Variants in ZNF329 observed in about 807,000 individuals in gnomAD.
The protein encoded by ZNF329 is zinc finger protein 329.
Under a neutral mutation model 26.6 loss-of-function variants are expected in ZNF329, and 15 were observed. The observed-to-expected ratio is 0.56, with a 90% CI of 0.38 to 0.87. The LOEUF (loss-of-function observed/expected upper bound fraction) is 0.87, where lower values mean the gene tolerates loss of function less well. Ranked by LOEUF, ZNF329 falls within the 40% of genes least tolerant of loss-of-function variation. The probability of loss-of-function intolerance (pLI) is 0.00; values close to 1 mark genes in which losing one functional copy is unlikely to be tolerated. For synonymous variants in ZNF329, 239 were observed against 233.5 expected, an observed-to-expected ratio of 1.02 and a Z score of -0.21; for missense variants, 651 against 651.9, an observed-to-expected ratio of 1.00 and a Z score of 0.02.
chr19:58,154,883 G>C (rs917358976), upstream of ZNF329: 3 of 152,472 alleles, frequency 2.0e-5, no homozygotes, highest in African/African-American at 7.2e-5. Flanking sequence ...CCTCCCAGCC[G>C]CAGACGCGGA....
chr19:58,128,144 G>A lies in ZNF329; in HGVS notation c.1360C>T (p.Pro454Ser). 6.3e-7 allele frequency: 1 copy of A among 1,589,010 alleles called. No homozygotes were observed. Among genetic ancestry groups the A allele is most frequent in the Non-Finnish European group, 8.6e-7 (1 of 1,168,602 alleles). Residue 454 changes from proline to serine, a missense_variant, in exon 4 of 4, where the codon CCC becomes TCC. By Grantham distance (74) the Pro-to-Ser change is moderately conservative. Coordinates refer to ENST00000598312, the MANE Select transcript of ZNF329 (RefSeq NM_024620.4). ...TTGCCACACTGATTACACTCATAGG[G>A]CTTCTCACCAGTATGAGTCCTCTGG... The part of the protein sequence containing the change: ...RHQRTHTGEK[P>S]YECNQCGKAF...
intron 3 of ZNF329, among the ~76,000 whole-genome samples, chr19:58,137,874 G>A (rs945659475): frequency 1.3e-5 from 2 of 151,480 alleles, no homozygotes; most frequent in South Asian, 4.2e-4. Flanking sequence ...AGCTACTTGG[G>A]AAGCTGAGGT....
At chr19:58,148,755 G>A (rs2075383934) in intron 1 of ZNF329, among the ~76,000 whole-genome samples, 1 of 152,184 alleles carries the variant, frequency 6.6e-6, no homozygotes, top group Non-Finnish European at 1.5e-5. Context: ...AAGTATTTCA[G>A]AGTGAGGTAT....
intron 1 of ZNF329, among the ~76,000 whole-genome samples, chr19:58,147,557 C>T (rs2075348292): frequency 7.1e-6 from 1 of 141,652 alleles, no homozygotes; most frequent in Non-Finnish European, 1.5e-5. Flanking sequence ...GGGGGGTCAG[C>T]CCCCCGCCCG....
intron 3 of ZNF329, among the ~76,000 whole-genome samples, chr19:58,138,180 A>G (rs1013665957): frequency 1.3e-5 from 2 of 152,162 alleles, no homozygotes; most frequent in Admixed American, 6.6e-5. Context: ...CAGCGCCCTT[A>G]CACCTTATCC....
intron 3 of ZNF329, chr19:58,136,577 C>T (rs1254730830): frequency 6.7e-6 from 1 of 148,204 alleles, no homozygotes; most frequent in Non-Finnish European, 1.5e-5. Flanking sequence ...AGTTGGGAAG[C>T]TGAGGCAGGA....
chr19:58,131,830 T>C (rs1433182875), intron 3 of ZNF329, among the ~76,000 whole-genome samples: 5 of 151,936 alleles, frequency 3.3e-5, no homozygotes, highest in Admixed American at 3.3e-4. Flanking sequence ...GAGACCATCC[T>C]GGCTGACACG....
intron 1 of ZNF329, among the ~76,000 whole-genome samples, chr19:58,150,042 C>G (rs2146142258): frequency 6.6e-6 from 1 of 152,238 alleles, no homozygotes; most frequent in Non-Finnish European, 1.5e-5. Context: ...CCGGGTCGTT[C>G]ACTGCACAAG....
In ZNF329 at chr19:58,128,712, A is replaced by T. The variant is rs780468293; in HGVS notation, c.792T>A (p.Cys264Ter). The T allele has an allele frequency of 1.6e-5, 26 of 1,607,380 alleles. No individual in the cohort carries two copies. The highest frequency in any genetic ancestry group is 2.1e-5 in the Non-Finnish European group (25 of 1,176,984). Residue 264 changes from cysteine (C) to a stop codon, truncating the protein, a stop_gained, in exon 4 of 4, where the codon TGT becomes TGA. Transcript: ENST00000598312. LOFTEE classifies it high-confidence loss of function. ...CTGAGCCATCACTGAAAGCTTTCCC[A>T]CATTTACTGCATTCATAGGGCTTCT... ...TGEKPYECSK[C>*]GKAFSDGSAL...
intron 1 of ZNF329, among the ~76,000 whole-genome samples, chr19:58,149,860 A>G (rs2075409871): frequency 1.3e-5 from 2 of 152,238 alleles, no homozygotes; most frequent in Non-Finnish European, 2.9e-5. Flanking sequence ...AAAATTTAAA[A>G]AAGCACTACT....
At chr19:58,134,194 G>T (rs1192048796) in intron 3 of ZNF329, among the ~76,000 whole-genome samples, 1 of 152,204 alleles carries the variant, frequency 6.6e-6, no homozygotes, top group East Asian at 1.9e-4. Flanking sequence ...CACGGATGCT[G>T]CTAAATATCC....
At chr19:58,150,441 G>A (rs1445490855) in intron 1 of ZNF329, among the ~76,000 whole-genome samples, 2 of 152,344 alleles carry the variant, frequency 1.3e-5, no homozygotes, top group Non-Finnish European at 2.9e-5. Context: ...GGGAGGGCGG[G>A]CTAGAGATGC....
chr19:58,128,373 C>T lies in ZNF329; in HGVS notation c.1131G>A (p.Gly377=), dbSNP rs1434940110. 1 of 1,614,022 alleles carries T rather than the reference C, an allele frequency of 6.2e-7. No individual in the cohort carries two copies. Among genetic ancestry groups the T allele is most frequent in the Non-Finnish European group, 8.5e-7 (1 of 1,180,024 alleles). Residue 377 remains glycine (G), a synonymous_variant, in exon 4 of 4, where the codon GGG becomes GGA. Coordinates refer to ENST00000598312, the MANE Select transcript of ZNF329 (RefSeq NM_024620.4). ...GGTGAGAGTTTCTGTTGAAGGATTTCCCGCACTCTGCACACTCAAAGGGCT... is the reference window on the plus strand; with the variant it reads ...GGTGAGAGTTTCTGTTGAAGGATTTTCCGCACTCTGCACACTCAAAGGGCT... ...GEKPFECAEC[G]KSFNRNSHLI... is the part of the protein sequence containing the mutation.
At chr19:58,147,935 G>T (rs987558578) in intron 1 of ZNF329, among the ~76,000 whole-genome samples, 3 of 152,074 alleles carry the variant, frequency 2.0e-5, no homozygotes, top group African/African-American at 7.3e-5. Flanking sequence ...TGACAATGGC[G>T]GTTTTGTGGA....
In ZNF329 at chr19:58,140,874, A is replaced by ATTTTTTTT. The variant is rs34583536; in HGVS notation, c.-9+1675_-9+1682dup. Among the ~76,000 whole-genome samples the ATTTTTTTT allele has an allele frequency of 1.3e-4, 18 of 133,940 alleles. 1 individual carries two copies. Among genetic ancestry groups the ATTTTTTTT allele is most frequent in the African/African-American group, 5.0e-4 (18 of 36,050 alleles). 87.9% of individuals were successfully genotyped at this position (133,940 alleles called of 152,430 possible). ...CCACAGTTGCACACCATCACACATA[A>ATTTTTTTT]TTTTTTTTTTTTTTTTGAGTTAGAA... is the stretch of plus-strand genomic sequence containing the variant. On this transcript the variant is annotated intron_variant, in intron 3 of 3. Transcript: ENST00000598312.
intron 3 of ZNF329, among the ~76,000 whole-genome samples, chr19:58,130,439 G>A (rs934562140): frequency 9.2e-5 from 14 of 152,076 alleles, no homozygotes; most frequent in African/African-American, 1.9e-4. Context: ...TTGGGAGGCC[G>A]AGGTGGGCAG....
intron 1 of ZNF329, among the ~76,000 whole-genome samples, chr19:58,150,058 C>G (rs2075414933): frequency 6.6e-6 from 1 of 152,150 alleles, no homozygotes; most frequent in Admixed American, 6.6e-5. Flanking sequence ...ACAAGTCTTT[C>G]AGCTTCTCTA....
chr19:58,136,788 C>G (rs971537292), intron 3 of ZNF329: 2 of 152,878 alleles, frequency 1.3e-5, no homozygotes, highest in African/African-American at 2.4e-5. Flanking sequence ...TCCAAGGCTG[C>G]CCACAGATTT....
rs115663096 is a variant in ZNF329, at chr19:58,127,937, T to C, written c.1567A>G (p.Ser523Gly). The C allele has an allele frequency of 6.2e-7, 1 of 1,613,032 alleles. No homozygotes were observed. The highest frequency in any genetic ancestry group is 2.2e-5 in the East Asian group (1 of 44,870). The change falls in exon 4 of 4, where the codon AGC (serine) becomes GGC (glycine). Residue 523 changes from serine to glycine, a missense_variant. Physicochemically the swap from Ser to Gly is moderately conservative, Grantham distance 56. Coordinates refer to ENST00000598312, the MANE Select transcript of ZNF329 (RefSeq NM_024620.4). The stretch of plus-strand genomic sequence containing the variant: ...CTTTGATGTCGAACAAGGGATGAGC[T>C]CTTTTGGAACATTTTTCCACACTGA... ...CPQCGKMFQKSSSLVRHQRAH... is the reference protein window; with the variant it reads ...CPQCGKMFQKGSSLVRHQRAH...
Sources: allele counts gnomAD v4.1 joint callset (sites outside exome capture counted in the v4.1 genomes callset), GRCh38; gene constraint gnomAD v4.1.1; transcripts MANE v1.5; gene names NCBI Gene and HGNC (gene_info 2026-07-23, HGNC 2026-07-21).